The following GPD2 variants were observed in gnomAD, a reference collection of about 807,000 sequenced individuals.
The protein encoded by GPD2 is glycerol-3-phosphate dehydrogenase 2.
In GPD2, 54 loss-of-function variants were observed where a neutral mutation model predicts 82.4. That is an observed-to-expected ratio of 0.66 (90% CI 0.53 to 0.82). The LOEUF (loss-of-function observed/expected upper bound fraction) is 0.82. Among genes scored for constraint, GPD2 ranks in the 40% least tolerant of loss-of-function variants. The probability of loss-of-function intolerance (pLI) is 0.00; values close to 1 mark genes in which losing one functional copy is unlikely to be tolerated. For missense variants in GPD2, 748 were observed against 896.2 expected (o/e 0.83, Z 2.11); for synonymous variants, 288 against 306.1 (o/e 0.94, Z 0.62).
rs143699217 is a variant in GPD2, at chr2:156,583,066, G to T, written c.*148G>T. ...AACATTCCAAAACTTTAAGGTGTTG[G>T]TGTATTTGCCAGCTTTATTTGCTGT... On this transcript the variant is annotated 3_prime_UTR_variant, in exon 17 of 17. Transcript: ENST00000438166. The T allele has an allele frequency of 2.5e-6, 2 of 812,468 alleles. No individual in the cohort carries two copies. The highest frequency in any genetic ancestry group is 2.7e-5 in the East Asian group (1 of 37,056). 50.3% of individuals were successfully genotyped at this position (812,468 alleles called of 1,614,324 possible).
rs143550826 is a variant in GPD2, at chr2:156,444,252, A to G, written c.-9+7739A>G. Reference sequence around the variant, plus strand: ...TGCTCTCAGCCTCTCCAGGTATAGCATTCACATCTAGAGGCTGCCACATTC... The same window carrying G: ...TGCTCTCAGCCTCTCCAGGTATAGCGTTCACATCTAGAGGCTGCCACATTC... On this transcript the variant is annotated intron_variant, in intron 1 of 16. Transcript: ENST00000438166. Among the ~76,000 whole-genome samples the G allele has an allele frequency of 3.7e-4, 57 of 152,300 alleles. No individual in the cohort carries two copies. The East Asian group carries it at 8.3e-3, about 22-fold the overall frequency.
chr2:156,471,020 A>T (rs1016452252), intron 1 of GPD2, among the ~76,000 whole-genome samples: 4 of 152,128 alleles, frequency 2.6e-5, no homozygotes, highest in Admixed American at 1.3e-4. Flanking sequence ...CAAGATCTCA[A>T]ATTTTCTTAG....
intron 1 of GPD2, among the ~76,000 whole-genome samples, chr2:156,461,148 T>C: frequency 7.5e-6 from 1 of 133,500 alleles, no homozygotes; most frequent in Non-Finnish European, 1.5e-5. Flanking sequence ...TATCACATTA[T>C]CTCTCTCTAT....
At chr2:156,425,098 T>TG in the GPD2 span, among the ~76,000 whole-genome samples, 14 of 148,832 alleles carry the variant, frequency 9.4e-5, no homozygotes, top group Admixed American at 1.4e-4. Flanking sequence ...TATTTTTTTT[T>TG]TTGTTTTTGT....
chr2:156,511,906 A>G (rs553394637), intron 4 of GPD2, among the ~76,000 whole-genome samples: 3 of 152,292 alleles, frequency 2.0e-5, no homozygotes, highest in Non-Finnish European at 2.9e-5. Flanking sequence ...ATTATGGGGA[A>G]CTGAGAAAGG....
intron 2 of GPD2, among the ~76,000 whole-genome samples, chr2:156,490,403 AAAAAT>A (rs1558924852): frequency 2.0e-5 from 3 of 149,336 alleles, no homozygotes; most frequent in African/African-American, 7.5e-5. Flanking sequence ...AAAAAAAAAC[AAAAAT>A]AAAATGTTAT....
chr2:156,555,322 T>C (rs1455030052), intron 8 of GPD2, among the ~76,000 whole-genome samples: 1 of 152,228 alleles, frequency 6.6e-6, no homozygotes, highest in East Asian at 1.9e-4. Flanking sequence ...TAAACTACTT[T>C]ATTGCATTGC....
intron 9 of GPD2, among the ~76,000 whole-genome samples, chr2:156,559,364 C>A (rs1687085622): frequency 6.6e-6 from 1 of 151,866 alleles, no homozygotes; most frequent in Non-Finnish European, 1.5e-5. Context: ...GATATGGTAG[C>A]CATTTGAAAA....
the GPD2 span, among the ~76,000 whole-genome samples, chr2:156,401,180 C>G: frequency 6.6e-6 from 1 of 152,124 alleles, no homozygotes; most frequent in African/African-American, 2.4e-5. Flanking sequence ...GGGCCTCCCG[C>G]GTGGCAGGCG....
chr2:156,454,585 A>G (rs953341099), intron 1 of GPD2, among the ~76,000 whole-genome samples: 14 of 152,188 alleles, frequency 9.2e-5, no homozygotes, highest in Non-Finnish European at 1.5e-5. Context: ...TTCAGGTTAA[A>G]TCTTACTTTC....
rs949594877 is a variant in GPD2 at position 156,583,996 on chromosome 2, A to T, written c.*1078A>T. 1.3e-5 allele frequency: 2 copies of T among 152,042 alleles called. No homozygotes were observed. Among genetic ancestry groups the T allele is most frequent in the Non-Finnish European group, 2.9e-5 (2 of 67,968 alleles). 9.4% of individuals were successfully genotyped at this position (152,042 alleles called of 1,614,324 possible). On this transcript the variant is annotated 3_prime_UTR_variant, in exon 17 of 17. Coordinates refer to ENST00000438166, the MANE Select transcript of GPD2 (RefSeq NM_000408.5). ...CTTTAATTATAATTATATGTTAAATAAGGCACATAACCAGTTTCCAAGGTC... is the reference window on the plus strand; with the variant it reads ...CTTTAATTATAATTATATGTTAAATTAGGCACATAACCAGTTTCCAAGGTC...
chr2:156,474,781 G>C (rs566822210), intron 1 of GPD2, among the ~76,000 whole-genome samples: 1 of 152,198 alleles, frequency 6.6e-6, no homozygotes, highest in African/African-American at 2.4e-5. Context: ...CAAGTGAGAG[G>C]AAAGAAAGTT....
chr2:156,473,513 A>G (rs1223723996), intron 1 of GPD2: 1 of 152,212 alleles, frequency 6.6e-6, no homozygotes, highest in African/African-American at 2.4e-5. Context: ...GATGTGTGGT[A>G]TCCTTTGTGA....
intron 1 of GPD2, among the ~76,000 whole-genome samples, chr2:156,455,710 T>G (rs892540088): frequency 2.0e-5 from 3 of 152,006 alleles, no homozygotes; most frequent in African/African-American, 7.2e-5. Context: ...TCTCTTTCCT[T>G]CAGGGGTAAG....
At chr2:156,567,114 T>C (rs1687420923) in intron 9 of GPD2, among the ~76,000 whole-genome samples, 1 of 152,134 alleles carries the variant, frequency 6.6e-6, no homozygotes, top group African/African-American at 2.4e-5. Context: ...GCATATATGA[T>C]ATATTCTTAT....
the GPD2 span, among the ~76,000 whole-genome samples, chr2:156,418,397 GAAAA>G: frequency 7.0e-6 from 1 of 142,690 alleles, no homozygotes; most frequent in Non-Finnish European, 1.6e-5. Flanking sequence ...CTCAAAAAAA[GAAAA>G]AAGAGAGAGA....
the GPD2 span, among the ~76,000 whole-genome samples, chr2:156,401,137 A>T: frequency 6.6e-6 from 1 of 152,192 alleles, no homozygotes; most frequent in East Asian, 1.9e-4. Flanking sequence ...AAAAACTAGA[A>T]GTCAAAACTT....
intron 6 of GPD2, among the ~76,000 whole-genome samples, chr2:156,525,880 A>T (rs1036191100): frequency 2.0e-5 from 3 of 152,208 alleles, no homozygotes; most frequent in African/African-American, 7.2e-5. Context: ...AAACAAGGCT[A>T]GCTTCTTTCC....
chr2:156,517,882 A>G (rs1685256059), intron 6 of GPD2, among the ~76,000 whole-genome samples: 1 of 152,176 alleles, frequency 6.6e-6, no homozygotes, highest in Non-Finnish European at 1.5e-5. Flanking sequence ...AAACCATTCA[A>G]TACCTCCATT....
Sources: allele counts gnomAD v4.1 joint callset (sites outside exome capture counted in the v4.1 genomes callset), GRCh38; gene constraint gnomAD v4.1.1; transcripts MANE v1.5; gene names NCBI Gene and HGNC (gene_info 2026-07-23, HGNC 2026-07-21).